The following RNGTT variants were observed in gnomAD, a reference collection of about 807,000 sequenced individuals.
RNGTT encodes mRNA-capping enzyme.
In RNGTT, 33 loss-of-function variants were observed where a neutral mutation model predicts 79.3. That is an observed-to-expected ratio of 0.42 (90% CI 0.32 to 0.56). RNGTT has a LOEUF of 0.56. Among genes scored for constraint, RNGTT ranks in the 20% least tolerant of loss-of-function variants. The pLI is 0.17. For synonymous variants in RNGTT, 222 were observed against 235.9 expected (o/e 0.94, Z 0.54); for missense variants, 497 against 739.1 (o/e 0.67, Z 3.80).
chr6:88,740,903 AAG>A (rs894981590), intron 13 of RNGTT, among the ~76,000 whole-genome samples: 1 of 152,190 alleles, frequency 6.6e-6, no homozygotes, highest in African/African-American at 2.4e-5. Context: ...TTTTAAAAAA[AAG>A]AAATGAAATG....
At chr6:88,777,331 T>A (rs992407295) in intron 12 of RNGTT, among the ~76,000 whole-genome samples, 1 of 152,148 alleles carries the variant, frequency 6.6e-6, no homozygotes, top group Non-Finnish European at 1.5e-5. Context: ...TTTTTCAGGG[T>A]TTTTAGTCCC....
chr6:88,749,425 C>T (rs1017902150), intron 13 of RNGTT, among the ~76,000 whole-genome samples: 1 of 150,410 alleles, frequency 6.6e-6, no homozygotes. Flanking sequence ...AGGGTAATCA[C>T]CAAGAAAACT....
intron 8 of RNGTT, among the ~76,000 whole-genome samples, chr6:88,855,533 G>GA (rs1003974917): frequency 1.3e-5 from 2 of 151,168 alleles, no homozygotes; most frequent in Non-Finnish European, 1.5e-5. Context: ...AAAAGGAAAG[G>GA]AAAAAAGGCA....
chr6:88,815,805 T>C (rs961395104), intron 11 of RNGTT, among the ~76,000 whole-genome samples: 2 of 152,186 alleles, frequency 1.3e-5, no homozygotes, highest in Admixed American at 1.3e-4. Context: ...GACATTGATG[T>C]CTCCGGATGA....
At chr6:88,759,361 C>A (rs1479658338) in intron 13 of RNGTT, among the ~76,000 whole-genome samples, 1 of 152,154 alleles carries the variant, frequency 6.6e-6, no homozygotes, top group Admixed American at 6.5e-5. Flanking sequence ...TAAGACATTT[C>A]TCTGAAGATC....
At chr6:88,881,514 T>A (rs1325978332) in intron 8 of RNGTT, among the ~76,000 whole-genome samples, 1 of 152,098 alleles carries the variant, frequency 6.6e-6, no homozygotes, top group East Asian at 1.9e-4. Flanking sequence ...AAATCGAAAG[T>A]CCCACTATCT....
intron 13 of RNGTT, among the ~76,000 whole-genome samples, chr6:88,760,961 C>T (rs1404702138): frequency 6.7e-6 from 1 of 150,256 alleles, no homozygotes; most frequent in Non-Finnish European, 1.5e-5. Flanking sequence ...CCTCCTGCCT[C>T]AGCTTCCAAA....
chr6:88,826,554 T>C (rs1780660644), intron 11 of RNGTT, among the ~76,000 whole-genome samples: 1 of 151,928 alleles, frequency 6.6e-6, no homozygotes, highest in African/African-American at 2.4e-5. Context: ...GAGGACAAGA[T>C]GGGCAGATCA....
At chr6:88,873,910 A>G (rs1481808609) in intron 8 of RNGTT, among the ~76,000 whole-genome samples, 3 of 152,174 alleles carry the variant, frequency 2.0e-5, no homozygotes, top group Non-Finnish European at 4.4e-5. Flanking sequence ...GACCTAATTA[A>G]GAGAATTTGA....
At chr6:88,658,905 T>C (rs747787216) in intron 14 of RNGTT, among the ~76,000 whole-genome samples, 2 of 152,268 alleles carry the variant, frequency 1.3e-5, no homozygotes, top group African/African-American at 4.8e-5. Context: ...GGCCACAGAC[T>C]GAAGGCTGCA....
chr6:88,782,529 CAGA>C (rs1309005585), intron 12 of RNGTT, among the ~76,000 whole-genome samples: 2 of 150,768 alleles, frequency 1.3e-5, no homozygotes, highest in African/African-American at 5.0e-5. Context: ...GCACAGGCAA[CAGA>C]AGCAAAAATA....
In RNGTT at chr6:88,803,909, A is replaced by G. The variant is rs549508633; in HGVS notation, c.1270-2277T>C. On this transcript the variant is annotated intron_variant, in intron 11 of 15. Coordinates refer to ENST00000369485, the MANE Select transcript of RNGTT (RefSeq NM_003800.5). ...TGAAAGTAATTTCATTTTTTATTCT[A>G]CTCTTTTTATAAATCAGAGTATTTA... Among the ~76,000 whole-genome samples, 9 of 152,182 alleles carry G rather than the reference A, an allele frequency of 5.9e-5. No individual in the cohort carries two copies. The South Asian group carries it at 1.9e-3, about 32-fold the overall frequency.
intron 4 of RNGTT, among the ~76,000 whole-genome samples, chr6:88,913,690 G>A (rs1384089951): frequency 2.6e-5 from 4 of 152,024 alleles, no homozygotes; most frequent in Non-Finnish European, 4.4e-5. Flanking sequence ...AACAAACTAC[G>A]CATTGAAGAA....
intron 13 of RNGTT, among the ~76,000 whole-genome samples, chr6:88,712,384 C>A (rs1776348887): frequency 6.6e-6 from 1 of 152,198 alleles, no homozygotes; most frequent in Non-Finnish European, 1.5e-5. Flanking sequence ...TAGCTCACTG[C>A]AGCTTTGAAT....
chr6:88,884,944 T>C (rs939622712), intron 8 of RNGTT, among the ~76,000 whole-genome samples: 1 of 152,062 alleles, frequency 6.6e-6, no homozygotes, highest in Admixed American at 6.6e-5. Context: ...AGTGTCTCCC[T>C]ATCAGAGAGA....
At chr6:88,728,210 C>T (rs926362523) in intron 13 of RNGTT, among the ~76,000 whole-genome samples, 1 of 152,220 alleles carries the variant, frequency 6.6e-6, no homozygotes, top group Non-Finnish European at 1.5e-5. Context: ...TAGTTATTAA[C>T]ATAACCAAGT....
At chr6:88,842,998 C>G (rs772344631) in intron 11 of RNGTT, among the ~76,000 whole-genome samples, 23 of 152,032 alleles carry the variant, frequency 1.5e-4, no homozygotes, top group Admixed American at 1.2e-3. Context: ...TCACTTGACC[C>G]CAGGAGGTCA....
chr6:88,788,526 T>C (rs763248793), intron 12 of RNGTT, among the ~76,000 whole-genome samples: 1 of 152,226 alleles, frequency 6.6e-6, no homozygotes, highest in Non-Finnish European at 1.5e-5. Context: ...AAAAAAGCAG[T>C]TGATTCGAAC....
chr6:88,897,253 C>G (rs942021914), intron 6 of RNGTT, among the ~76,000 whole-genome samples: 2 of 152,180 alleles, frequency 1.3e-5, no homozygotes, highest in Non-Finnish European at 2.9e-5. Flanking sequence ...CACACCCAAA[C>G]TGAATTTCTC....
Sources: allele counts gnomAD v4.1 joint callset (sites outside exome capture counted in the v4.1 genomes callset), GRCh38; gene constraint gnomAD v4.1.1; transcripts MANE v1.5; gene names NCBI Gene and HGNC (gene_info 2026-07-23, HGNC 2026-07-21).